CDC42BPA: variants seen among roughly 807,000 people sequenced by gnomAD.
CDC42BPA encodes CDC42 binding protein kinase alpha.
Under a neutral mutation model 223.5 loss-of-function variants are expected in CDC42BPA, and 80 were observed. The ratio of observed to expected loss-of-function variants is 0.36; its 90% CI spans 0.30 to 0.43. The LOEUF (loss-of-function observed/expected upper bound fraction) is 0.43. CDC42BPA is among the 20% of genes least tolerant of loss of function. The probability of loss-of-function intolerance (pLI) is 1.00; values close to 1 mark genes in which losing one functional copy is unlikely to be tolerated. For synonymous variants in CDC42BPA, 694 were observed against 718.6 expected, an observed-to-expected ratio of 0.97 and a Z score of 0.55; for missense variants, 1,743 against 2,099.9, an observed-to-expected ratio of 0.83 and a Z score of 3.32.
intron 3 of CDC42BPA, among the ~76,000 whole-genome samples, chr1:227,211,639 A>G (rs1276041723): frequency 6.6e-6 from 1 of 152,186 alleles, no homozygotes; most frequent in African/African-American, 2.4e-5. Context: ...ATGGAACTGG[A>G]GATCATTATC....
intron 1 of CDC42BPA, among the ~76,000 whole-genome samples, chr1:227,300,997 C>A (rs1691527129): frequency 6.6e-6 from 1 of 152,334 alleles, no homozygotes; most frequent in East Asian, 1.9e-4. Flanking sequence ...AAATAATAAT[C>A]ATATCCATCC....
rs1553445052 is a variant in CDC42BPA at position 227,308,528 on chromosome 1, A to AAC, written c.178+8476_178+8477insGT. 3.9e-4 allele frequency among the ~76,000 whole-genome samples: 57 copies of AAC among 146,214 alleles called. 2 individuals carry two copies. The highest frequency in any genetic ancestry group is 6.8e-4 in the Non-Finnish European group (45 of 66,098). On this transcript the variant is annotated intron_variant, in intron 1 of 36. Coordinates refer to ENST00000366766, the MANE Select transcript of CDC42BPA (RefSeq NM_001394014.1). ...GTATCTCAAAAAAAAAAAAAAAAAAACAGAATGGGAAGCAAGCTGACAAAA... is the reference window on the plus strand; with the variant it reads ...GTATCTCAAAAAAAAAAAAAAAAAAAACCAGAATGGGAAGCAAGCTGACAAAA...
intron 24 of CDC42BPA, 76 bp downstream of exon 24, chr1:227,040,055 A>G: frequency 3.3e-6 from 3 of 907,748 alleles, no homozygotes; most frequent in Non-Finnish European, 5.5e-6. Context: ...ACATTTATAC[A>G]CCTTTGAAAG....
At chr1:227,242,932 A>C (rs1046155557) in intron 2 of CDC42BPA, among the ~76,000 whole-genome samples, 2 of 152,246 alleles carry the variant, frequency 1.3e-5, no homozygotes, top group African/African-American at 2.4e-5. Flanking sequence ...CTAAATGCCC[A>C]GAATGGTAGA....
intron 21 of CDC42BPA, among the ~76,000 whole-genome samples, chr1:227,068,088 T>A (rs890074234): frequency 6.6e-6 from 1 of 151,926 alleles, no homozygotes; most frequent in Admixed American, 6.6e-5. Context: ...ATATAGTGAA[T>A]ATGTTAACTA....
At chr1:227,072,341 T>A (rs962178384) in intron 19 of CDC42BPA, 42 bp from the exon 20 acceptor site, 2 of 1,230,954 alleles carry the variant, frequency 1.6e-6, no homozygotes, top group African/African-American at 1.5e-5. Flanking sequence ...TTAATTTTTA[T>A]TGCTGGTTAG....
At chr1:227,132,848 C>T (rs538449265) in intron 10 of CDC42BPA, among the ~76,000 whole-genome samples, 1 of 150,338 alleles carries the variant, frequency 6.7e-6, no homozygotes, top group East Asian at 2.0e-4. Flanking sequence ...TGAGGAGCGT[C>T]TCTGCCCGGC....
chr1:227,203,986 G>A (rs1206925518), intron 3 of CDC42BPA, among the ~76,000 whole-genome samples: 1 of 152,116 alleles, frequency 6.6e-6, no homozygotes, highest in Admixed American at 6.5e-5. Flanking sequence ...TGGAAAGCAT[G>A]AGTTAAAAAG....
chr1:227,299,565 T>C (rs1691275908), intron 1 of CDC42BPA, among the ~76,000 whole-genome samples: 1 of 152,212 alleles, frequency 6.6e-6, no homozygotes, highest in African/African-American at 2.4e-5. Flanking sequence ...ATACACTGAT[T>C]AATATCTGCT....
At position 227,031,293 on chromosome 1, in the gene CDC42BPA, C is replaced by A. The variant is rs761386022; in HGVS notation, c.3775+5G>T. 6.2e-7 allele frequency: 1 copy of A among 1,601,226 alleles called. No individual in the cohort carries two copies. The highest frequency in any genetic ancestry group is 1.1e-5 in the South Asian group (1 of 90,712). On this transcript the variant is annotated splice_donor_5th_base_variant and intron_variant, in intron 28 of 36. Transcript: ENST00000366766. ...AATAATATGATAAATGTTATAAATTCATACCTATGATTGCGGCTGCCTGGG... is the reference window on the plus strand; with the variant it reads ...AATAATATGATAAATGTTATAAATTAATACCTATGATTGCGGCTGCCTGGG...
At chr1:227,313,184 C>CA (rs1206216911) in intron 1 of CDC42BPA, among the ~76,000 whole-genome samples, 2 of 151,856 alleles carry the variant, frequency 1.3e-5, no homozygotes, top group Non-Finnish European at 2.9e-5. Context: ...TTCCTAAAAA[C>CA]AAAAAAATTA....
At chr1:227,130,740 A>G (rs544579660) in intron 10 of CDC42BPA, among the ~76,000 whole-genome samples, 1 of 152,276 alleles carries the variant, frequency 6.6e-6, no homozygotes, top group African/African-American at 2.4e-5. Context: ...CTGTAATACC[A>G]GCTACTCGGG....
intron 4 of CDC42BPA, among the ~76,000 whole-genome samples, chr1:227,194,381 A>G (rs1340059350): frequency 1.3e-5 from 2 of 152,182 alleles, no homozygotes; most frequent in Non-Finnish European, 2.9e-5. Context: ...TTCACCTTGG[A>G]TCAGTAAGAA....
At chr1:227,046,317 C>G (rs1672440150) in intron 23 of CDC42BPA, among the ~76,000 whole-genome samples, 1 of 152,018 alleles carries the variant, frequency 6.6e-6, no homozygotes, top group Non-Finnish European at 1.5e-5. Context: ...CTGGGCCATT[C>G]AGTGGACCCG....
At position 227,069,781 on chromosome 1, in the gene CDC42BPA, A is replaced by G. The variant is rs1397356411; in HGVS notation, c.2900T>C (p.Phe967Ser). ...LNTPTDALDQ[F>S]ETDPVENTYV... is the part of the protein sequence containing the mutation. ...TGTGACATGTTTAATACTTACTTCA[A>G]ATTGATCCAGAGCATCGGTAGGCGT... Residue 967 changes from phenylalanine to serine, a missense_variant, in exon 21 of 37, where the codon TTT becomes TCT. Coordinates refer to ENST00000366766, the MANE Select transcript of CDC42BPA (RefSeq NM_001394014.1). 12 of 1,605,058 alleles carry G rather than the reference A, an allele frequency of 7.5e-6. No homozygotes were observed. Among genetic ancestry groups the G allele is most frequent in the East Asian group, 2.2e-5 (1 of 44,718 alleles).
chr1:227,285,816 T>C lies in CDC42BPA; in HGVS notation c.178+31189A>G, dbSNP rs567627387. ...TGTCAGCAAACCCTAGTTAAAACTG[T>C]AACTCTGCCTACTCCTGAGTACTTG... On this transcript the variant is annotated intron_variant, in intron 1 of 36. Transcript: ENST00000366766. 3.3e-5 allele frequency among the ~76,000 whole-genome samples: 5 copies of C among 152,172 alleles called. No homozygotes were observed. The South Asian group carries it at 1.0e-3, about 32-fold the overall frequency.
At chr1:227,295,105 G>T (rs74507464) in intron 1 of CDC42BPA, among the ~76,000 whole-genome samples, 1 of 151,880 alleles carries the variant, frequency 6.6e-6, no homozygotes, top group Non-Finnish European at 1.5e-5. Context: ...GTTAAAGAAC[G>T]TTTTAGTATT....
intron 23 of CDC42BPA, among the ~76,000 whole-genome samples, chr1:227,043,942 C>A (rs1026229440): frequency 6.6e-6 from 1 of 152,172 alleles, no homozygotes; most frequent in Non-Finnish European, 1.5e-5. Context: ...TAGGTTCTCT[C>A]CAGAATGGCT....
intron 10 of CDC42BPA, among the ~76,000 whole-genome samples, chr1:227,136,094 A>C (rs1359787244): frequency 6.6e-6 from 1 of 152,152 alleles, no homozygotes; most frequent in Non-Finnish European, 1.5e-5. Flanking sequence ...CAGAAGATTC[A>C]GTTGTTGAAA....
Sources: gnomAD v4.1 joint callset for allele counts (sites outside exome capture counted in the v4.1 genomes callset) on GRCh38, gnomAD v4.1.1 for gene constraint, MANE v1.5 for transcripts, NCBI Gene and HGNC (gene_info 2026-07-23, HGNC 2026-07-21) for gene names.